SGCD: variants seen among roughly 807,000 people sequenced by gnomAD.
SGCD encodes sarcoglycan delta, also known as delta-sarcoglycan.
SGCD carries 18 observed loss-of-function variants against 36.6 expected under a neutral mutation model. The observed-to-expected ratio is 0.49, with a 90% CI of 0.34 to 0.73. The LOEUF is 0.73. Ranked by LOEUF, SGCD falls within the 30% of genes least tolerant of loss-of-function variation. SGCD has a pLI of 0.01. For missense variants in SGCD, 387 were observed against 346.7 expected (o/e 1.12, Z -0.92); for synonymous variants, 133 against 130.6 (o/e 1.02, Z -0.12).
At chr5:156,572,363 C>T (rs916073345) in intron 4 of SGCD, among the ~76,000 whole-genome samples, 3 of 152,128 alleles carry the variant, frequency 2.0e-5, no homozygotes, top group Non-Finnish European at 4.4e-5. Context: ...ACATTCCCAC[C>T]AGCAGTGTAT....
rs535469173 is a variant in SGCD at position 156,433,978 on chromosome 5, A to C, written c.193-74623A>C. ...ACTGAGATTCCCAGAATCAAGTCTC[A>C]TTGCTCATGATTGGCCTCCAATGGG... is the stretch of plus-strand genomic sequence containing the variant. On this transcript the variant is annotated intron_variant, in intron 3 of 8. Coordinates refer to ENST00000337851, the MANE Select transcript of SGCD (RefSeq NM_000337.6). Among the ~76,000 whole-genome samples the C allele has an allele frequency of 1.6e-4, 25 of 152,314 alleles. No homozygotes were observed. In the South Asian group the frequency reaches 5.2e-3, roughly 32 times the overall value.
chr5:155,948,597 G>A (rs541718232), intron 1 of SGCD, among the ~76,000 whole-genome samples: 4 of 152,184 alleles, frequency 2.6e-5, no homozygotes, highest in East Asian at 3.9e-4. Flanking sequence ...TACAATAAGC[G>A]GCAATCCTTC....
At chr5:156,513,782 G>A (rs935505383) in intron 4 of SGCD, among the ~76,000 whole-genome samples, 12 of 152,272 alleles carry the variant, frequency 7.9e-5, no homozygotes, top group African/African-American at 2.6e-4. Flanking sequence ...AATGAGAAAT[G>A]TTCATCTTTA....
chr5:156,697,224 A>AT, intron 7 of SGCD, among the ~76,000 whole-genome samples: 1 of 152,318 alleles, frequency 6.6e-6, no homozygotes, highest in East Asian at 1.9e-4. Flanking sequence ...CACACTTTAC[A>AT]TGGGCAAATT....
chr5:156,201,573 A>C (rs539690608), intron 3 of SGCD, among the ~76,000 whole-genome samples: 6 of 152,308 alleles, frequency 3.9e-5, no homozygotes, highest in South Asian at 4.1e-4. Flanking sequence ...TGCCAACATC[A>C]TAGGACCATG....
intron 2 of SGCD, among the ~76,000 whole-genome samples, chr5:156,120,217 TG>T (rs759405572): frequency 3.9e-5 from 6 of 152,120 alleles, no homozygotes; most frequent in Non-Finnish European, 8.8e-5. Context: ...TTTGTTTCTT[TG>T]TTGAAGGAGG....
chr5:156,434,331 G>C (rs1413975761), intron 3 of SGCD, among the ~76,000 whole-genome samples: 1 of 152,186 alleles, frequency 6.6e-6, no homozygotes, highest in African/African-American at 2.4e-5. Context: ...TTAGATGGGA[G>C]GGATGGCTCC....
chr5:155,898,902 A>T (rs1362929598), intron 1 of SGCD, among the ~76,000 whole-genome samples: 1 of 152,158 alleles, frequency 6.6e-6, no homozygotes, highest in Non-Finnish European at 1.5e-5. Flanking sequence ...CCCTGGCTAG[A>T]TGTGGCTCAC....
At chr5:156,320,303 AT>A (rs1361453803) in intron 3 of SGCD, among the ~76,000 whole-genome samples, 1 of 152,190 alleles carries the variant, frequency 6.6e-6, no homozygotes, top group South Asian at 2.1e-4. Flanking sequence ...GATGCTATGC[AT>A]TTTTTAAGCA....
chr5:155,880,249 G>A (rs1159382027), intron 1 of SGCD, among the ~76,000 whole-genome samples: 1 of 152,148 alleles, frequency 6.6e-6, no homozygotes, highest in Non-Finnish European at 1.5e-5. Context: ...TGCTTAGATA[G>A]TGCTTGGCAC....
chr5:156,231,477 A>C (rs2127651530), intron 3 of SGCD, among the ~76,000 whole-genome samples: 1 of 152,326 alleles, frequency 6.6e-6, no homozygotes, highest in Admixed American at 6.5e-5. Context: ...CGGAGGTTGC[A>C]GTGAGCTGAG....
chr5:156,168,563 T>C (rs996865752), intron 3 of SGCD, among the ~76,000 whole-genome samples: 2 of 152,140 alleles, frequency 1.3e-5, no homozygotes, highest in African/African-American at 4.8e-5. Flanking sequence ...TAATGCCATG[T>C]CCCAGAAAAG....
intron 6 of SGCD, among the ~76,000 whole-genome samples, chr5:156,596,814 A>G (rs1162893164): frequency 1.3e-5 from 2 of 152,180 alleles, no homozygotes; most frequent in Non-Finnish European, 2.9e-5. Context: ...TTGAATGCCT[A>G]TCATGGTCAA....
At chr5:156,575,100 G>A (rs769650968) in intron 4 of SGCD, among the ~76,000 whole-genome samples, 7 of 152,310 alleles carry the variant, frequency 4.6e-5, no homozygotes, top group Admixed American at 1.3e-4. Context: ...TTTAGCCCAC[G>A]GAGTTTCTGC....
chr5:155,903,604 C>A (rs1164861544), intron 1 of SGCD, among the ~76,000 whole-genome samples: 2 of 152,096 alleles, frequency 1.3e-5, no homozygotes, highest in Non-Finnish European at 2.9e-5. Context: ...CTCTGACTGG[C>A]ATGGACAACA....
intron 3 of SGCD, among the ~76,000 whole-genome samples, chr5:156,476,352 A>G (rs901253293): frequency 2.0e-5 from 3 of 152,354 alleles, no homozygotes; most frequent in South Asian, 2.1e-4. Flanking sequence ...CTGACTGTGC[A>G]TAAGTGAGAG....
intron 3 of SGCD, among the ~76,000 whole-genome samples, chr5:156,175,207 G>T (rs1229606218): frequency 6.6e-6 from 1 of 152,078 alleles, no homozygotes; most frequent in African/African-American, 2.4e-5. Context: ...TGGTATTTAG[G>T]ATGAATTGCT....
chr5:156,759,514 G>A lies in SGCD; in HGVS notation c.*124G>A. 1.8e-6 allele frequency: 1 copy of A among 542,786 alleles called. No homozygotes were observed. Among genetic ancestry groups the A allele is most frequent in the South Asian group, 3.7e-5 (1 of 26,866 alleles). The allele number at this position is 542,786 out of a possible 1,614,324, so 33.6% of individuals were successfully genotyped here. On this transcript the variant is annotated 3_prime_UTR_variant, in exon 9 of 9. Transcript: ENST00000337851. ...AAAGACCTTGTGTGTATGTGTACGT[G>A]TGTGTGCGTGCTTGAGTGTGTTCGC... is the stretch of plus-strand genomic sequence containing the variant.
chr5:155,791,970 A>G, the SGCD span, among the ~76,000 whole-genome samples: 2 of 152,186 alleles, frequency 1.3e-5, no homozygotes, highest in South Asian at 2.1e-4. Flanking sequence ...AGCAATAAGA[A>G]TAAGGTCAGA....
Sources: gnomAD v4.1 joint callset for allele counts (sites outside exome capture counted in the v4.1 genomes callset) on GRCh38, gnomAD v4.1.1 for gene constraint, MANE v1.5 for transcripts, NCBI Gene and HGNC (gene_info 2026-07-23, HGNC 2026-07-21) for gene names.